The following CENPP variants were observed in gnomAD, a reference collection of about 807,000 sequenced individuals.
CENPP encodes centromere protein P.
A neutral mutation model predicts 35.6 loss-of-function variants in CENPP; 24 were observed. The ratio of observed to expected loss-of-function variants is 0.67; its 90% CI spans 0.49 to 0.95. The LOEUF is 0.95. Ranked by LOEUF, CENPP falls within the 40% of genes least tolerant of loss-of-function variation. The pLI is 0.00. For missense variants in CENPP, 332 were observed against 345.3 expected (o/e 0.96, Z 0.31); for synonymous variants, 120 against 125.5 (o/e 0.96, Z 0.29).
chr9:92,582,230 A>AT (rs376988252), intron 5 of CENPP, among the ~76,000 whole-genome samples: 21 of 151,508 alleles, frequency 1.4e-4, no homozygotes, highest in South Asian at 4.2e-4. Flanking sequence ...ATTTTTTTGT[A>AT]TTTTTTTTGT....
intron 4 of CENPP, among the ~76,000 whole-genome samples, chr9:92,363,243 AC>A (rs1841805892): frequency 6.6e-6 from 1 of 152,142 alleles, no homozygotes; most frequent in Non-Finnish European, 1.5e-5. Context: ...ATACACACAC[AC>A]ACACACACAC....
At chr9:92,504,520 T>C (rs1846877556) in intron 5 of CENPP, among the ~76,000 whole-genome samples, 2 of 152,070 alleles carry the variant, frequency 1.3e-5, no homozygotes, top group Admixed American at 1.3e-4. Flanking sequence ...ACCTCAGTGT[T>C]CTTTTTGGCA....
chr9:92,570,618 T>G (rs889689599), intron 5 of CENPP, among the ~76,000 whole-genome samples: 19 of 152,164 alleles, frequency 1.2e-4, no homozygotes, highest in Non-Finnish European at 2.5e-4. Context: ...GGATTCCCTG[T>G]TTTTCTGTTG....
intron 2 of CENPP, among the ~76,000 whole-genome samples, chr9:92,334,915 G>T (rs1191597088): frequency 6.6e-6 from 1 of 150,976 alleles, no homozygotes; most frequent in Non-Finnish European, 1.5e-5. Flanking sequence ...GGCCGGTTGT[G>T]GTGGCTCATA....
At chr9:92,545,556 G>A (rs562939167) in intron 5 of CENPP, among the ~76,000 whole-genome samples, 255 of 152,200 alleles carry the variant, frequency 1.7e-3, no homozygotes, top group Non-Finnish European at 1.9e-3. Context: ...TTCAAGGCCC[G>A]AGCCTCCCCG....
chr9:92,421,022 A>G (rs1843775978), intron 5 of CENPP, among the ~76,000 whole-genome samples: 1 of 152,150 alleles, frequency 6.6e-6, no homozygotes, highest in African/African-American at 2.4e-5. Flanking sequence ...AAATAAGACT[A>G]TTAAATCCAG....
chr9:92,485,768 C>T (rs1006843827), intron 5 of CENPP, among the ~76,000 whole-genome samples: 1 of 152,170 alleles, frequency 6.6e-6, no homozygotes, highest in Admixed American at 6.5e-5. Flanking sequence ...TGGGCTAAAG[C>T]AATCCTCCCA....
intron 5 of CENPP, among the ~76,000 whole-genome samples, chr9:92,442,287 A>G (rs1298487714): frequency 3.3e-5 from 5 of 151,322 alleles, no homozygotes; most frequent in African/African-American, 4.9e-5. Flanking sequence ...AATCCCAGCC[A>G]CTTGGGAGGC....
intron 5 of CENPP, chr9:92,403,568 A>G: frequency 7.7e-7 from 1 of 1,294,250 alleles, no homozygotes; most frequent in African/African-American, 1.5e-5. Context: ...GGGCCAGAGA[A>G]CAGTATTTAA....
chr9:92,377,057 G>A (rs1375278126), intron 4 of CENPP, among the ~76,000 whole-genome samples: 1 of 151,814 alleles, frequency 6.6e-6, no homozygotes, highest in Non-Finnish European at 1.5e-5. Context: ...AAAGAAAAGG[G>A]AAGATGGAGC....
chr9:92,578,968 G>T (rs867236003), intron 5 of CENPP, among the ~76,000 whole-genome samples: 1 of 152,076 alleles, frequency 6.6e-6, no homozygotes, highest in African/African-American at 2.4e-5. Flanking sequence ...ATCTTGAATT[G>T]ATTTTTGTAT....
At chr9:92,558,319 G>A (rs557729737) in intron 5 of CENPP, among the ~76,000 whole-genome samples, 7 of 152,268 alleles carry the variant, frequency 4.6e-5, no homozygotes, top group African/African-American at 1.7e-4. Context: ...AGATTCTTTT[G>A]TCCCATGGGG....
chr9:92,583,951 T>C (rs553721248), intron 5 of CENPP, among the ~76,000 whole-genome samples: 3 of 152,370 alleles, frequency 2.0e-5, no homozygotes, highest in East Asian at 3.8e-4. Context: ...AAGCTTTCTG[T>C]CTATGAGTTG....
intron 5 of CENPP, among the ~76,000 whole-genome samples, chr9:92,422,560 C>G (rs117274151): frequency 2.4e-4 from 37 of 152,298 alleles, no homozygotes; most frequent in Non-Finnish European, 4.7e-4. Flanking sequence ...TTTGTGAGCA[C>G]CTAAGAAGAA....
chr9:92,616,108 C>A lies in CENPP; in HGVS notation c.*2959C>A. ...GATACACAAGCCCCCCATTCATTTC[C>A]CTCCCTCCCGTTCTCTCTCCCTTTC... On this transcript the variant is annotated 3_prime_UTR_variant, in exon 8 of 8. Coordinates refer to ENST00000375587, the MANE Select transcript of CENPP (RefSeq NM_001012267.3). The A allele has an allele frequency of 7.7e-7, 1 of 1,294,186 alleles. No individual in the cohort carries two copies. Among genetic ancestry groups the A allele is most frequent in the Non-Finnish European group, 1.1e-6 (1 of 909,372 alleles). 80.2% of individuals were successfully genotyped at this position (1,294,186 alleles called of 1,614,324 possible).
intron 5 of CENPP, among the ~76,000 whole-genome samples, chr9:92,411,910 T>TAA (rs1843453924): frequency 6.6e-6 from 1 of 152,290 alleles, no homozygotes; most frequent in South Asian, 2.1e-4. Flanking sequence ...TATCTGTGCT[T>TAA]ATACAGTTTT....
intron 5 of CENPP, chr9:92,401,117 T>C (rs1317043936): frequency 2.6e-6 from 4 of 1,521,248 alleles, no homozygotes; most frequent in Non-Finnish European, 3.6e-6. Flanking sequence ...TGGGAGGTAA[T>C]GGTGTTATTG....
At chr9:92,571,091 C>G (rs1850126149) in intron 5 of CENPP, among the ~76,000 whole-genome samples, 1 of 152,080 alleles carries the variant, frequency 6.6e-6, no homozygotes, top group Non-Finnish European at 1.5e-5. Context: ...CAGTTCTGCT[C>G]TGATCTTAGT....
At position 92,468,225 on chromosome 9, in the gene CENPP, G is replaced by A. The variant is rs77431848; in HGVS notation, c.564+88366G>A. Reference sequence around the variant, plus strand: ...TGCAGTTGTTGGAACTGCATAAAAGGAAGGAAAAGTAATACAAAACTGTGT... The same window carrying A: ...TGCAGTTGTTGGAACTGCATAAAAGAAAGGAAAAGTAATACAAAACTGTGT... On this transcript the variant is annotated intron_variant, in intron 5 of 7. Transcript: ENST00000375587. Among the ~76,000 whole-genome samples, 734 of 152,286 alleles carry A rather than the reference G, an allele frequency of 4.8e-3. 4 individuals carry two copies. The highest frequency in any genetic ancestry group is 0.015 in the African/African-American group (639 of 41,562).
Sources: allele counts gnomAD v4.1 joint callset (sites outside exome capture counted in the v4.1 genomes callset), GRCh38; gene constraint gnomAD v4.1.1; transcripts MANE v1.5; gene names NCBI Gene and HGNC (gene_info 2026-07-23, HGNC 2026-07-21).